C19orf47: variants seen among roughly 807,000 people sequenced by gnomAD.
C19orf47 encodes the protein chromosome 19 open reading frame 47, also known as uncharacterized protein C19orf47.
C19orf47 carries 18 observed loss-of-function variants against 32.3 expected under a neutral mutation model. The ratio of observed to expected loss-of-function variants is 0.56; its 90% confidence interval spans 0.39 to 0.83. The LOEUF (loss-of-function observed/expected upper bound fraction) is 0.83. Among genes scored for constraint, C19orf47 ranks in the 40% least tolerant of loss-of-function variants. C19orf47 has a pLI of 0.00. For synonymous variants in C19orf47, 202 were observed against 211.1 expected (o/e 0.96, Z 0.37); for missense variants, 484 against 531.6 (o/e 0.91, Z 0.88).
rs1332677777 is a variant in C19orf47, at chr19:40,330,303, A to G, written c.302-1753T>C. On this transcript the variant is annotated intron_variant, in intron 5 of 8. Coordinates refer to ENST00000683109, the MANE Select transcript of C19orf47 (RefSeq NM_001256441.2). ...GAGTGCAGTGGCGCGATCTTGACTC[A>G]CTGCAAGCTCTGCCTCCCAGGTTCA... Among the ~76,000 whole-genome samples, 3 of 150,024 alleles carry G rather than the reference A, an allele frequency of 2.0e-5. No individual in the cohort carries two copies. In the Admixed American group the frequency reaches 2.0e-4, roughly 10 times the overall value.
the C19orf47 span, among the ~76,000 whole-genome samples, chr19:40,314,104 C>T: frequency 6.6e-6 from 1 of 152,114 alleles, no homozygotes; most frequent in Admixed American, 6.6e-5. Flanking sequence ...CCTGCAGCAT[C>T]TCTAGAGCCT....
At chr19:40,303,662 G>A in the C19orf47 span, among the ~76,000 whole-genome samples, 2 of 151,842 alleles carry the variant, frequency 1.3e-5, no homozygotes, top group South Asian at 2.1e-4. Flanking sequence ...AAATTAGCCG[G>A]GCGTGGTGGC....
intron 2 of C19orf47, among the ~76,000 whole-genome samples, chr19:40,337,316 ATTATTAC>A (rs1295640850): frequency 3.3e-5 from 5 of 149,482 alleles, no homozygotes; most frequent in African/African-American, 1.2e-4. Flanking sequence ...TATTATTATT[ATTATTAC>A]TATTACTCCC....
intron 2 of C19orf47, among the ~76,000 whole-genome samples, chr19:40,338,262 T>TACACACAC (rs751604490): frequency 3.8e-3 from 313 of 82,890 alleles, no homozygotes; most frequent in Non-Finnish European, 6.8e-3. Context: ...TATATACATA[T>TACACACAC]ATATACACAC....
At chr19:40,326,795 G>A (rs1042981012) in intron 6 of C19orf47, among the ~76,000 whole-genome samples, 3 of 152,144 alleles carry the variant, frequency 2.0e-5, no homozygotes, top group Non-Finnish European at 4.4e-5. Flanking sequence ...CTGCTGGGTG[G>A]TGGAAAGGTT....
chr19:40,297,894 G>A, the C19orf47 span, among the ~76,000 whole-genome samples: 26 of 149,206 alleles, frequency 1.7e-4, no homozygotes, highest in African/African-American at 5.4e-4. Context: ...AAAAATAGCC[G>A]GGTTTGGTGG....
At chr19:40,338,679 G>C (rs919181230) in intron 2 of C19orf47, among the ~76,000 whole-genome samples, 1 of 151,890 alleles carries the variant, frequency 6.6e-6, no homozygotes, top group Non-Finnish European at 1.5e-5. Flanking sequence ...CACCGCCCCC[G>C]GCATTTTTTT....
chr19:40,301,567 C>G, the C19orf47 span, among the ~76,000 whole-genome samples: 1 of 151,694 alleles, frequency 6.6e-6, no homozygotes, highest in Non-Finnish European at 1.5e-5. Context: ...GTCTCAAACT[C>G]CTGACCTCGT....
chr19:40,321,759 G>C lies in C19orf47; in HGVS notation c.*123C>G. On this transcript the variant is annotated 3_prime_UTR_variant, in exon 9 of 9. Transcript: ENST00000683109. ...CCCCGAATGCTCGGGCCTAGCTCTA[G>C]AGCCCGAGGGAGACAAGCTGTGTCA... is the stretch of plus-strand genomic sequence containing the variant. 4.9e-6 allele frequency: 7 copies of C among 1,436,536 alleles called. No individual in the cohort carries two copies. Among genetic ancestry groups the C allele is most frequent in the South Asian group, 1.5e-5 (1 of 66,604 alleles). 89.0% of individuals were successfully genotyped at this position (1,436,536 alleles called of 1,614,324 possible).
rs1047068352 is a variant in C19orf47, at chr19:40,320,024, G to A, written c.*1858C>T. 1.9e-5 allele frequency: 3 copies of A among 154,130 alleles called. No individual in the cohort carries two copies. The highest frequency in any genetic ancestry group is 2.1e-4 in the South Asian group (1 of 4,852). The allele number at this position is 154,130 out of a possible 1,614,324, so 9.5% of individuals were successfully genotyped here. On this transcript the variant is annotated 3_prime_UTR_variant, in exon 9 of 9. Coordinates refer to ENST00000683109, the MANE Select transcript of C19orf47 (RefSeq NM_001256441.2). The stretch of plus-strand genomic sequence containing the variant: ...TAACAGCCGTTCCCCCAGATGCTCC[G>A]GTCTAACATCTAGGCGGGCCCTATG...
chr19:40,299,167 G>T, the C19orf47 span, among the ~76,000 whole-genome samples: 1 of 151,688 alleles, frequency 6.6e-6, no homozygotes, highest in Non-Finnish European at 1.5e-5. Flanking sequence ...TACTTTCCAA[G>T]AAAATAAAAT....
chr19:40,325,223 T>C (rs2077804450), intron 7 of C19orf47, among the ~76,000 whole-genome samples: 1 of 151,730 alleles, frequency 6.6e-6, no homozygotes, highest in South Asian at 2.1e-4. Context: ...TGAGCCAAGA[T>C]TGTGCCACTG....
At position 40,330,900 on chromosome 19, in the gene C19orf47, T is replaced by C. The variant is rs1465788808; in HGVS notation, c.302-2350A>G. The stretch of plus-strand genomic sequence containing the variant: ...TTAGCAATCAGGGTAGTGGGTACCC[T>C]GGAGACAATGTGGTGGCTGGGAGGG... On this transcript the variant is annotated intron_variant, in intron 5 of 8. Coordinates refer to ENST00000683109, the MANE Select transcript of C19orf47 (RefSeq NM_001256441.2). Among the ~76,000 whole-genome samples, 8 of 152,154 alleles carry C rather than the reference T, an allele frequency of 5.3e-5. No individual in the cohort carries two copies. The South Asian group carries it at 1.2e-3, about 24-fold the overall frequency.
the C19orf47 span, among the ~76,000 whole-genome samples, chr19:40,298,026 T>G: frequency 6.8e-6 from 1 of 146,306 alleles, no homozygotes. Context: ...GGTGACAGAG[T>G]GACACTCTGT....
At chr19:40,302,740 G>A in the C19orf47 span, among the ~76,000 whole-genome samples, 1 of 152,168 alleles carries the variant, frequency 6.6e-6, no homozygotes, top group Non-Finnish European at 1.5e-5. Context: ...AAACTTGAGT[G>A]GATCCTGAAT....
chr19:40,344,288 G>A (rs2078231816), intron 1 of C19orf47, among the ~76,000 whole-genome samples: 1 of 150,984 alleles, frequency 6.6e-6, no homozygotes, highest in Non-Finnish European at 1.5e-5. Context: ...AGACCAGCCT[G>A]GCCAACATGG....
At chr19:40,331,197 GC>G (rs2077945494) in intron 5 of C19orf47, among the ~76,000 whole-genome samples, 1 of 152,218 alleles carries the variant, frequency 6.6e-6, no homozygotes, top group Non-Finnish European at 1.5e-5. Flanking sequence ...TGTTGTGCAA[GC>G]AGTGGCTTAA....
At position 40,348,383 on chromosome 19, in the gene C19orf47, T is replaced by C. The variant is rs1168967563; in HGVS notation, c.-93A>G. 5 of 1,257,312 alleles carry C rather than the reference T, an allele frequency of 4.0e-6. No individual in the cohort carries two copies. The highest frequency in any genetic ancestry group is 6.6e-5 in the Admixed American group (2 of 30,160). The allele number at this position is 1,257,312 out of a possible 1,614,324, so 77.9% of individuals were successfully genotyped here. ...CGCCCTCCCTCCCGGCGGCGCCAAC[T>C]GTCAGACACTCCTCCCCCGGCCCGG... is the stretch of plus-strand genomic sequence containing the variant. On this transcript the variant is annotated 5_prime_UTR_variant, in exon 1 of 9. Transcript: ENST00000683109.
chr19:40,330,012 G>T (rs1408305063), intron 5 of C19orf47, among the ~76,000 whole-genome samples: 1 of 152,160 alleles, frequency 6.6e-6, no homozygotes, highest in Non-Finnish European at 1.5e-5. Flanking sequence ...AACCAACTCT[G>T]TCTTTACTCT....
Sources: allele counts gnomAD v4.1 joint callset (sites outside exome capture counted in the v4.1 genomes callset), GRCh38; gene constraint gnomAD v4.1.1; transcripts MANE v1.5; gene names NCBI Gene and HGNC (gene_info 2026-07-23, HGNC 2026-07-21).